USP24: variants seen among roughly 807,000 people sequenced by gnomAD.
The protein encoded by USP24 is ubiquitin specific peptidase 24.
In USP24, 97 loss-of-function variants were observed where a neutral mutation model predicts 361.6. The observed-to-expected ratio is 0.27, with a 90% confidence interval of 0.23 to 0.32. The LOEUF is 0.32. Among genes scored for constraint, USP24 ranks in the 10% least tolerant of loss-of-function variants. The probability of loss-of-function intolerance (pLI) is 1.00; values close to 1 mark genes in which losing one functional copy is unlikely to be tolerated. For missense variants in USP24, 2,353 were observed against 3,165.6 expected, an observed-to-expected ratio of 0.74 and a Z score of 6.16; for synonymous variants, 1,098 against 1,124.6, an observed-to-expected ratio of 0.98 and a Z score of 0.47.
chr1:55,156,148 A>G (rs1217429690), intron 12 of USP24, among the ~76,000 whole-genome samples: 2 of 152,182 alleles, frequency 1.3e-5, no homozygotes, highest in African/African-American at 4.8e-5. Context: ...ACCATTAATG[A>G]AATAGACTGG....
rs1570365725 is a variant in USP24, at chr1:55,086,164, T to C, written c.6669-126A>G. 6 of 817,168 alleles carry C rather than the reference T, an allele frequency of 7.3e-6. No homozygotes were observed. The East Asian group carries it at 1.3e-4, about 18-fold the overall frequency. The allele number at this position is 817,168 out of a possible 1,614,324, so 50.6% of individuals were successfully genotyped here. A position where few individuals can be genotyped will look rare whatever the true frequency, so the allele number is the denominator to read the frequency against. ...AGTCTCCTGACAGTGTTAGCGCTTA[T>C]GGGCCAAGTGGAGCTTTCCAAGGTC... On this transcript the variant is annotated intron_variant, in intron 55 of 67. Coordinates refer to ENST00000294383, the MANE Select transcript of USP24 (RefSeq NM_015306.3).
intron 7 of USP24, among the ~76,000 whole-genome samples, chr1:55,162,983 C>T (rs919786856): frequency 1.1e-4 from 17 of 151,938 alleles, no homozygotes; most frequent in Admixed American, 9.2e-4. Context: ...AGAAACAAAT[C>T]CATTGGCACA....
At chr1:55,124,729 C>A in intron 34 of USP24, 101 bp from the exon 35 acceptor site, 1 of 1,286,992 alleles carries the variant, frequency 7.8e-7, no homozygotes, top group Non-Finnish European at 1.1e-6. Flanking sequence ...GCCTCCTTTC[C>A]CTCCAAGGTC....
chr1:55,094,998 A>G (rs765703982), intron 51 of USP24, among the ~76,000 whole-genome samples: 6 of 152,136 alleles, frequency 3.9e-5, no homozygotes, highest in Non-Finnish European at 8.8e-5. Flanking sequence ...GTGAGACCAC[A>G]CTGTCTCAAA....
chr1:55,195,643 A>C (rs970269255), intron 1 of USP24, among the ~76,000 whole-genome samples: 5 of 152,218 alleles, frequency 3.3e-5, no homozygotes, highest in Admixed American at 2.0e-4. Flanking sequence ...GCGACATACT[A>C]TAACATGAAC....
intron 32 of USP24, among the ~76,000 whole-genome samples, chr1:55,128,481 C>A (rs1010422358): frequency 2.0e-5 from 3 of 152,132 alleles, no homozygotes; most frequent in Admixed American, 6.6e-5. Flanking sequence ...ACAGGCGATG[C>A]GTCTTCATGC....
intron 1 of USP24, among the ~76,000 whole-genome samples, chr1:55,182,417 A>T (rs923229790): frequency 6.6e-6 from 1 of 152,200 alleles, no homozygotes; most frequent in African/African-American, 2.4e-5. Context: ...CTGTAGTTTA[A>T]GCCACCCAGT....
chr1:55,087,704 T>C (rs941126245), intron 55 of USP24, among the ~76,000 whole-genome samples: 1 of 152,160 alleles, frequency 6.6e-6, no homozygotes, highest in Non-Finnish European at 1.5e-5. Flanking sequence ...TTGTGTCTAG[T>C]AGGGAATGAA....
At chr1:55,078,936 A>G in intron 60 of USP24, among the ~76,000 whole-genome samples, 1 of 150,590 alleles carries the variant, frequency 6.6e-6, no homozygotes, top group Middle Eastern at 3.4e-3. Flanking sequence ...CAGATCCAAA[A>G]AATATTAAGC....
chr1:55,146,413 T>C (rs1377561218), intron 19 of USP24, among the ~76,000 whole-genome samples: 6 of 152,206 alleles, frequency 3.9e-5, no homozygotes, highest in African/African-American at 1.4e-4. Flanking sequence ...GTGAAGCCTT[T>C]CGACAAGTCT....
At chr1:55,096,262 G>A (rs889558575) in intron 50 of USP24, among the ~76,000 whole-genome samples, 7 of 151,994 alleles carry the variant, frequency 4.6e-5, no homozygotes, top group Non-Finnish European at 7.4e-5. Flanking sequence ...CTTACTCCCA[G>A]CTCCCCTACC....
intron 26 of USP24, 144 bp downstream of exon 26, chr1:55,138,464 A>C (rs1216595098): frequency 2.8e-5 from 16 of 569,124 alleles, no homozygotes; most frequent in African/African-American, 3.8e-5. Context: ...CTTGTACCCC[A>C]CAGTTTCATT....
At chr1:55,212,943 T>C (rs1173405946) in intron 1 of USP24, among the ~76,000 whole-genome samples, 1 of 152,226 alleles carries the variant, frequency 6.6e-6, no homozygotes, top group Non-Finnish European at 1.5e-5. Context: ...CAATTCTTTG[T>C]ACTTACATGT....
At chr1:55,198,880 G>C (rs979137407) in intron 1 of USP24, among the ~76,000 whole-genome samples, 3 of 151,874 alleles carry the variant, frequency 2.0e-5, no homozygotes, top group Non-Finnish European at 2.9e-5. Context: ...AATATCCTTG[G>C]GTATTTAAAA....
At position 55,138,662 on chromosome 1, in the gene USP24, A is replaced by T; in HGVS notation, c.2874T>A (p.His958Gln). 1.2e-6 allele frequency: 2 copies of T among 1,613,222 alleles called. No homozygotes were observed. Among genetic ancestry groups the T allele is most frequent in the Non-Finnish European group, 1.7e-6 (2 of 1,179,516 alleles). The change falls in exon 26 of 68, where the codon CAT becomes CAA. Residue 958 changes from histidine to glutamine, a missense_variant. This residue lies in a region of USP24 where 949 missense variants were observed against 1,280.5 expected (regional missense o/e 0.74). Transcript: ENST00000294383. ...ILPHGASFHG[H>Q]LLTLNVTYES... is the part of the protein sequence containing the mutation. ...CATAGGTAACATTAAGGGTTAAAAG[A>T]TGTCCATGAAATGAGGCACCATGAG...
intron 38 of USP24, among the ~76,000 whole-genome samples, chr1:55,117,663 G>T (rs1460201741): frequency 7.1e-6 from 1 of 140,396 alleles, no homozygotes; most frequent in Admixed American, 8.1e-5. Context: ...GGGAAGCCGG[G>T]AAGCGGAGCT....
At chr1:55,098,730 C>T (rs958435941) in intron 45 of USP24, among the ~76,000 whole-genome samples, 172 bp from the exon 46 acceptor site, 1 of 152,126 alleles carries the variant, frequency 6.6e-6, no homozygotes, top group Admixed American at 6.5e-5. Context: ...CAGAGTGATG[C>T]AGACGATCAG....
At chr1:55,209,270 TTTC>T (rs928826391) in intron 1 of USP24, among the ~76,000 whole-genome samples, 1 of 152,160 alleles carries the variant, frequency 6.6e-6, no homozygotes, top group Non-Finnish European at 1.5e-5. Flanking sequence ...CTTCTTTTTT[TTTC>T]TTTTTAAAAG....
At chr1:55,176,311 T>G in intron 3 of USP24, 65 bp downstream of exon 3, 3 of 1,386,288 alleles carry the variant, frequency 2.2e-6, no homozygotes, top group Non-Finnish European at 2.9e-6. Context: ...ACAAAAAGCT[T>G]CTCTTCCTTC....
Sources: allele counts gnomAD v4.1 joint callset (sites outside exome capture counted in the v4.1 genomes callset), GRCh38; gene constraint gnomAD v4.1.1; regional missense constraint gnomAD v4.1.1; transcripts MANE v1.5; gene names NCBI Gene and HGNC (gene_info 2026-07-23, HGNC 2026-07-21).